The following CSMD1 variants were observed in gnomAD, a reference collection of about 807,000 sequenced individuals.
CSMD1 encodes the protein CUB and Sushi multiple domains 1, also known as CUB and sushi domain-containing protein 1.
In CSMD1, 213 loss-of-function variants were observed where a neutral mutation model predicts 417.5. The ratio of observed to expected loss-of-function variants is 0.51; its 90% CI spans 0.46 to 0.57. The LOEUF is 0.57. Ranked by LOEUF, CSMD1 falls within the 20% of genes least tolerant of loss-of-function variation. CSMD1 has a pLI of 0.00. For missense variants in CSMD1, 6,923 were observed against 4,529.7 expected, an observed-to-expected ratio of 1.53 and a Z score of -15.17; for synonymous variants, 2,862 against 1,736.8, an observed-to-expected ratio of 1.65 and a Z score of -16.11.
intron 7 of CSMD1, among the ~76,000 whole-genome samples, chr8:3,622,806 T>C (rs1796320968): frequency 6.8e-6 from 1 of 147,652 alleles, no homozygotes; most frequent in Non-Finnish European, 1.5e-5. Flanking sequence ...ATCCACACCA[T>C]GAGTCATTGA....
intron 1 of CSMD1, among the ~76,000 whole-genome samples, chr8:4,946,064 C>A (rs1220629592): frequency 6.6e-6 from 1 of 152,110 alleles, no homozygotes; most frequent in Non-Finnish European, 1.5e-5. Context: ...TTCAGCATTG[C>A]CGCTGGCAAC....
rs77146329 is a variant in CSMD1 at position 4,749,361 on chromosome 8, C to T, written c.86-111803G>A. 6.6e-5 allele frequency among the ~76,000 whole-genome samples: 10 copies of T among 152,310 alleles called. No individual in the cohort carries two copies. In the East Asian group the frequency reaches 1.5e-3, roughly 23 times the overall value. ...TAAACGTAAAAGCCATTTAAATGTTCAGCATAGTTGCTAAGCGGTCCTTGA... is the reference window on the plus strand; with the variant it reads ...TAAACGTAAAAGCCATTTAAATGTTTAGCATAGTTGCTAAGCGGTCCTTGA... On this transcript the variant is annotated intron_variant, in intron 1 of 69. Transcript: ENST00000635120.
intron 38 of CSMD1, among the ~76,000 whole-genome samples, chr8:3,160,501 T>C (rs142218765): frequency 6.6e-6 from 1 of 152,326 alleles, no homozygotes; most frequent in East Asian, 1.9e-4. Context: ...CTTGAGTGTG[T>C]TTGGTTACAA....
At chr8:4,151,664 C>CAATGTTATTACAT in intron 3 of CSMD1, among the ~76,000 whole-genome samples, 1 of 152,178 alleles carries the variant, frequency 6.6e-6, no homozygotes. Flanking sequence ...ATTATTATGT[C>CAATGTTATTACAT]AACATTATAG....
chr8:4,933,050 G>A (rs747770538), intron 1 of CSMD1, among the ~76,000 whole-genome samples: 7 of 152,138 alleles, frequency 4.6e-5, no homozygotes, highest in Non-Finnish European at 8.8e-5. Flanking sequence ...TTAACTTCAA[G>A]GAATCAGGTA....
chr8:4,907,232 T>C (rs1284485939), intron 1 of CSMD1, among the ~76,000 whole-genome samples: 2 of 152,194 alleles, frequency 1.3e-5, no homozygotes, highest in African/African-American at 2.4e-5. Context: ...AGTGAAAAGC[T>C]ACTTCTCTAC....
intron 1 of CSMD1, among the ~76,000 whole-genome samples, chr8:4,746,271 T>C (rs1673261): frequency 0.025 from 3,853 of 152,268 alleles, 147 homozygotes; most frequent in African/African-American, 0.086. Flanking sequence ...TTCTTCTAGG[T>C]GACGTACTTA....
intron 2 of CSMD1, among the ~76,000 whole-genome samples, chr8:4,553,467 A>C (rs1215510226): frequency 6.6e-6 from 1 of 151,176 alleles, no homozygotes; most frequent in Admixed American, 6.6e-5. Context: ...TTACAAATGA[A>C]AGCAAACCAT....
chr8:4,596,257 T>C (rs1231247542), intron 2 of CSMD1, among the ~76,000 whole-genome samples: 3 of 152,180 alleles, frequency 2.0e-5, no homozygotes, highest in Non-Finnish European at 4.4e-5. Flanking sequence ...TATTAACTAT[T>C]GTTAAGTAAA....
chr8:4,706,579 T>A (rs184214423), intron 1 of CSMD1, among the ~76,000 whole-genome samples: 1 of 152,358 alleles, frequency 6.6e-6, no homozygotes, highest in African/African-American at 2.4e-5. Context: ...TTATGCCATG[T>A]TTAAATTAGT....
At chr8:3,972,170 C>A (rs1031626844) in intron 5 of CSMD1, among the ~76,000 whole-genome samples, 2 of 151,966 alleles carry the variant, frequency 1.3e-5, no homozygotes, top group Admixed American at 1.3e-4. Context: ...GTGCCTGGCC[C>A]TTCTAAGACC....
At chr8:4,666,680 G>A (rs566902209) in intron 1 of CSMD1, among the ~76,000 whole-genome samples, 8 of 152,160 alleles carry the variant, frequency 5.3e-5, no homozygotes, top group Admixed American at 3.3e-4. Context: ...TAAACAAAGT[G>A]TCCAAATATT....
chr8:4,427,488 TACACAC>T (rs3056569), intron 2 of CSMD1, among the ~76,000 whole-genome samples: 196 of 149,502 alleles, frequency 1.3e-3, no homozygotes, highest in East Asian at 5.4e-3. Flanking sequence ...CTTAATCAAA[TACACAC>T]ACACACACAC....
At position 4,545,617 on chromosome 8, in the gene CSMD1, T is replaced by G. The variant is rs1256936120; in HGVS notation, c.302+91725A>C. ...ACAGAAGCCCTGGCTAGAGAAAAAG[T>G]GGTTGGCTGGTTCGTGGCTAGGAGT... On this transcript the variant is annotated intron_variant, in intron 2 of 69. Coordinates refer to ENST00000635120, the MANE Select transcript of CSMD1 (RefSeq NM_033225.6). 2.0e-5 allele frequency among the ~76,000 whole-genome samples: 3 copies of G among 152,178 alleles called. No individual in the cohort carries two copies. The East Asian group carries it at 5.8e-4, about 29-fold the overall frequency.
intron 12 of CSMD1, among the ~76,000 whole-genome samples, chr8:3,429,039 G>A (rs986239087): frequency 9.9e-5 from 15 of 152,142 alleles, no homozygotes; most frequent in African/African-American, 3.6e-4. Flanking sequence ...ACTGGGGGAG[G>A]CAGGAGGACA....
intron 23 of CSMD1, among the ~76,000 whole-genome samples, chr8:3,318,426 C>A (rs760453331): frequency 6.6e-6 from 1 of 152,146 alleles, no homozygotes; most frequent in Non-Finnish European, 1.5e-5. Context: ...TTTTGCTAGA[C>A]GCCGAAGATA....
At position 4,046,650 on chromosome 8, in the gene CSMD1, G is replaced by C. The variant is rs759759668; in HGVS notation, c.416-14551C>G. Among the ~76,000 whole-genome samples the C allele has an allele frequency of 5.3e-5, 8 of 152,286 alleles. No homozygotes were observed. In the South Asian group the frequency reaches 1.0e-3, roughly 20 times the overall value. ...CATCATAACAAACAACAAGTGTGCAGATAGGATATACACTGGGAATGTTTA... is the reference window on the plus strand; with the variant it reads ...CATCATAACAAACAACAAGTGTGCACATAGGATATACACTGGGAATGTTTA... On this transcript the variant is annotated intron_variant, in intron 3 of 69. Coordinates refer to ENST00000635120, the MANE Select transcript of CSMD1 (RefSeq NM_033225.6).
chr8:3,037,180 T>G (rs533668864), intron 50 of CSMD1, among the ~76,000 whole-genome samples: 1 of 152,272 alleles, frequency 6.6e-6, no homozygotes, highest in African/African-American at 2.4e-5. Context: ...CTGAGCAGTA[T>G]TTCATAGTGC....
chr8:3,666,963 T>C (rs909765739), intron 7 of CSMD1, among the ~76,000 whole-genome samples: 5 of 152,110 alleles, frequency 3.3e-5, no homozygotes, highest in Admixed American at 6.6e-5. Context: ...AGCATTGCAG[T>C]CTAATTGTAA....
Sources: gnomAD v4.1 joint callset for allele counts (sites outside exome capture counted in the v4.1 genomes callset) on GRCh38, gnomAD v4.1.1 for gene constraint, MANE v1.5 for transcripts, NCBI Gene and HGNC (gene_info 2026-07-23, HGNC 2026-07-21) for gene names.